Variants in DMD observed in about 807,000 individuals in gnomAD.
DMD encodes the protein mutant dystrophin.
DMD carries 63 observed loss-of-function variants against 330.1 expected under a neutral mutation model. The ratio of observed to expected loss-of-function variants is 0.19; its 90% CI spans 0.16 to 0.24. The LOEUF (loss-of-function observed/expected upper bound fraction) is 0.24, where lower values mean the gene tolerates loss of function less well. DMD is among the 10% of genes least tolerant of loss of function. The pLI, the probability that DMD is intolerant of heterozygous loss-of-function variation, is 1.00. For synonymous variants in DMD, 1,223 were observed against 959.8 expected, an observed-to-expected ratio of 1.27 and a Z score of -5.07; for missense variants, 3,344 against 2,684.1, an observed-to-expected ratio of 1.25 and a Z score of -5.43.
At chrX:32,612,200 G>A (rs928538727) in intron 12 of DMD, among the ~76,000 whole-genome samples, 130 of 111,414 alleles carry the variant, frequency 1.2e-3, no homozygotes, top group African/African-American at 4.1e-3. Flanking sequence ...CCTTAGAAAT[G>A]TCCCACTATG....
chrX:31,677,654 C>T (rs1260187382), intron 53 of DMD, among the ~76,000 whole-genome samples: 2 of 111,845 alleles, frequency 1.8e-5, no homozygotes, highest in Non-Finnish European at 3.8e-5. Context: ...TTGAAAAAAC[C>T]ATTAGTGGTA....
intron 47 of DMD, among the ~76,000 whole-genome samples, chrX:31,918,219 T>G (rs1362051293): frequency 8.9e-6 from 1 of 112,344 alleles, no homozygotes; most frequent in African/African-American, 3.2e-5. Flanking sequence ...ATATATTGTG[T>G]TTTTAGTTCC....
At chrX:32,327,101 T>C (rs1184960817) in intron 41 of DMD, among the ~76,000 whole-genome samples, 2 of 109,039 alleles carry the variant, frequency 1.8e-5, no homozygotes, top group Non-Finnish European at 3.8e-5. Context: ...TATATATAGG[T>C]TCTTTTTCAC....
intron 48 of DMD, among the ~76,000 whole-genome samples, chrX:31,854,630 T>C (rs1312886748): frequency 8.9e-6 from 1 of 112,007 alleles, no homozygotes; most frequent in Admixed American, 9.5e-5. Flanking sequence ...AACCCTAGTC[T>C]TTCTGAGGCA....
chrX:31,601,739 A>C (rs896870171), intron 55 of DMD, among the ~76,000 whole-genome samples: 4 of 111,910 alleles, frequency 3.6e-5, no homozygotes, highest in African/African-American at 1.3e-4. Flanking sequence ...GTGGTATTAA[A>C]ATAAATTTTC....
chrX:33,025,945 TG>T (rs2093987833), intron 1 of DMD, among the ~76,000 whole-genome samples: 1 of 111,704 alleles, frequency 9.0e-6, no homozygotes, highest in Non-Finnish European at 1.9e-5. Flanking sequence ...ACACAGAAAA[TG>T]TATCTTTAAA....
chrX:32,229,712 AT>A (rs1297268923), intron 43 of DMD, among the ~76,000 whole-genome samples: 1 of 83,484 alleles, frequency 1.2e-5, no homozygotes, highest in African/African-American at 4.4e-5. Context: ...ATATATATAT[AT>A]ATATATATAT....
intron 44 of DMD, among the ~76,000 whole-genome samples, chrX:32,181,578 G>A (rs756702406): frequency 9.0e-6 from 1 of 111,494 alleles, no homozygotes; most frequent in South Asian, 3.7e-4. Context: ...CGGGTTAAAG[G>A]TCATTGGTTT....
chrX:32,699,327 G>C, intron 7 of DMD, 34 bp from the exon 8 acceptor site: 1 of 1,118,309 alleles, frequency 8.9e-7, no homozygotes, highest in Non-Finnish European at 1.2e-6. Context: ...ATCAATTTTT[G>C]GTTTCTATAT....
Position 32,849,805 on chromosome X carries a change from T to C in DMD, c.109A>G (p.Ile37Val), listed in dbSNP as rs763415074. 3 of 1,199,318 alleles carry C rather than the reference T, an allele frequency of 2.5e-6. No individual in the cohort carries two copies. The highest frequency in any genetic ancestry group is 2.2e-5 in the Admixed American group (1 of 45,346). The change falls in exon 3 of 79, where the codon ATT (isoleucine) becomes GTT (valine). Residue 37 changes from isoleucine (I) to valine (V), a missense_variant. Transcript: ENST00000357033. The part of the protein sequence containing the change: ...AQFSKFGKQH[I>V]ENLFSDLQDG... ...TGTAGGTCACTGAAGAGGTTCTCAA[T>C]ATGCTGCTTCCCAAACTGAAATTAA...
intron 44 of DMD, among the ~76,000 whole-genome samples, chrX:32,178,245 C>T (rs966013643): frequency 9.3e-6 from 1 of 107,191 alleles, no homozygotes; most frequent in African/African-American, 3.4e-5. Context: ...TTCATGTACA[C>T]TAGAAATGAT....
intron 60 of DMD, among the ~76,000 whole-genome samples, chrX:31,382,527 CTT>C (rs2060233693): frequency 8.9e-6 from 1 of 111,816 alleles, no homozygotes; most frequent in Non-Finnish European, 1.9e-5. Context: ...AGTAAATAAT[CTT>C]TGCTGGCAAG....
intron 54 of DMD, among the ~76,000 whole-genome samples, chrX:31,647,472 A>G (rs1462277668): frequency 1.8e-5 from 2 of 112,301 alleles, no homozygotes; most frequent in Non-Finnish European, 3.8e-5. Flanking sequence ...ACATAAAATC[A>G]TAAATAATCA....
intron 54 of DMD, among the ~76,000 whole-genome samples, chrX:31,628,648 C>G (rs1171449943): frequency 1.8e-5 from 2 of 110,133 alleles, no homozygotes; most frequent in Non-Finnish European, 3.8e-5. Context: ...AGTTCAATTC[C>G]CAGTGTTCTT....
At chrX:32,904,774 C>T (rs757729815) in intron 2 of DMD, among the ~76,000 whole-genome samples, 1 of 111,527 alleles carries the variant, frequency 9.0e-6, no homozygotes, top group South Asian at 3.8e-4. Flanking sequence ...CAGGGTTTCA[C>T]CATGTTGGCC....
chrX:32,280,864 A>C (rs1202072948), intron 43 of DMD, among the ~76,000 whole-genome samples: 2 of 112,383 alleles, frequency 1.8e-5, no homozygotes, highest in African/African-American at 6.5e-5. Flanking sequence ...CTCAGTAGAA[A>C]GATTACAACT....
At chrX:32,279,113 A>C (rs1041752838) in intron 43 of DMD, among the ~76,000 whole-genome samples, 5 of 111,955 alleles carry the variant, frequency 4.5e-5, no homozygotes, top group Non-Finnish European at 9.4e-5. Context: ...CTACAATGGG[A>C]TATTCTCTCA....
intron 44 of DMD, among the ~76,000 whole-genome samples, chrX:32,085,625 TATAC>T (rs1487044879): frequency 1.5e-5 from 1 of 65,690 alleles, no homozygotes; most frequent in African/African-American, 5.6e-5. Context: ...TACGTATATA[TATAC>T]ACATATATAC....
At chrX:32,435,910 C>A (rs1343947306) in intron 29 of DMD, among the ~76,000 whole-genome samples, 2 of 111,829 alleles carry the variant, frequency 1.8e-5, no homozygotes, top group Non-Finnish European at 3.8e-5. Context: ...CTCATTTCCT[C>A]AAGTTTAGTA....
Sources: gnomAD v4.1 joint callset for allele counts (sites outside exome capture counted in the v4.1 genomes callset) on GRCh38, gnomAD v4.1.1 for gene constraint, MANE v1.5 for transcripts, NCBI Gene and HGNC (gene_info 2026-07-23, HGNC 2026-07-21) for gene names.